ZNF462: variants seen among roughly 807,000 people sequenced by gnomAD.
The protein encoded by ZNF462 is zinc finger PBX1-interacting protein.
ZNF462 carries 10 observed loss-of-function variants against 201.9 expected under a neutral mutation model. That is an observed-to-expected ratio of 0.05 (90% CI 0.03 to 0.08). ZNF462 has a LOEUF of 0.08. Ranked by LOEUF, ZNF462 falls within the 10% of genes least tolerant of loss-of-function variation. The probability of loss-of-function intolerance (pLI) is 1.00; values close to 1 mark genes in which losing one functional copy is unlikely to be tolerated. For missense variants in ZNF462, 2,523 were observed against 3,168.3 expected (o/e 0.80, Z 4.89); for synonymous variants, 1,227 against 1,193.3 (o/e 1.03, Z -0.58).
At chr9:106,969,999 G>C (rs1426338622) in intron 7 of ZNF462, among the ~76,000 whole-genome samples, 1 of 152,180 alleles carries the variant, frequency 6.6e-6, no homozygotes, top group African/African-American at 2.4e-5. Flanking sequence ...AACTAGACTT[G>C]AGGGCTTAAA....
At chr9:106,947,308 G>A (rs993451744) in intron 7 of ZNF462, among the ~76,000 whole-genome samples, 1 of 152,060 alleles carries the variant, frequency 6.6e-6, no homozygotes, top group African/African-American at 2.4e-5. Flanking sequence ...GCTTCCATGG[G>A]GACACAAAAC....
rs1235886568 is a variant in ZNF462, at chr9:106,924,565, A to T, written c.653A>T (p.Glu218Val). 6.2e-7 allele frequency: 1 copy of T among 1,614,172 alleles called. No homozygotes were observed. Residue 218 changes from glutamate (E) to valine (V), a missense_variant, in exon 3 of 13, where the codon GAA becomes GTA. Glu to Val is a moderately radical substitution (Grantham distance 121, BLOSUM62 -2). Transcript: ENST00000277225. The surrounding 1 kb of genome is among the most constrained non-coding windows in gnomAD (Gnocchi z 6.2). ...PPVSLQDPCK[E>V]LPAEVVERSI... ...GTATCACTGCAGGACCCCTGCAAGG[A>T]ACTGCCAGCAGAGGTTGTGGAGCGC...
At chr9:107,004,351 A>G (rs1829401567) in intron 11 of ZNF462, among the ~76,000 whole-genome samples, 1 of 152,102 alleles carries the variant, frequency 6.6e-6, no homozygotes, top group Non-Finnish European at 1.5e-5. Context: ...TTTATATAAC[A>G]TTTTTCTTTA....
Position 106,928,430 on chromosome 9 carries a change from C to T in ZNF462, c.4518C>T (p.Asp1506=), listed in dbSNP as rs150325687. The T allele has an allele frequency of 2.0e-5, 32 of 1,614,050 alleles. No individual in the cohort carries two copies. Among genetic ancestry groups the T allele is most frequent in the Non-Finnish European group, 2.6e-5 (31 of 1,180,044 alleles). Residue 1506 remains aspartate, a synonymous_variant, in exon 3 of 13, where the codon GAC becomes GAT. Coordinates refer to ENST00000277225, the MANE Select transcript of ZNF462 (RefSeq NM_021224.6). The surrounding 1 kb of genome is among the most constrained non-coding windows in gnomAD (Gnocchi z 9.3). ...TGAAGGCTGCTGACTTTGCCCAGGA[C>T]ATTGACATCAACCCAGGTGCCGTCT... ...MKVKAADFAQ[D]IDINPGAVYK...
At position 107,009,344 on chromosome 9, in the gene ZNF462, A is replaced by G. The variant is rs2132777785; in HGVS notation, c.7190-201A>G. The G allele has an allele frequency of 6.4e-6, 4 of 624,572 alleles. No individual in the cohort carries two copies. The East Asian group carries it at 1.2e-4, about 18-fold the overall frequency. The allele number at this position is 624,572 out of a possible 1,614,324, so 38.7% of individuals were successfully genotyped here. A position where few individuals can be genotyped will look rare whatever the true frequency, so the allele number is the denominator to read the frequency against. On this transcript the variant is annotated intron_variant, in intron 11 of 12. Transcript: ENST00000277225. The surrounding 1 kb of genome is among the most constrained non-coding windows in gnomAD (Gnocchi z 6.1). ...GAGGCGAAATGAGGTCTTGGGGCCC[A>G]AGAACCAGAAACAGTTCTCGAATGC... is the stretch of plus-strand genomic sequence containing the variant.
At position 106,925,130 on chromosome 9, in the gene ZNF462, C is replaced by T; in HGVS notation, c.1218C>T (p.His406=). The change falls in exon 3 of 13, where the codon CAC becomes CAT. Residue 406 remains histidine, a synonymous_variant. Coordinates refer to ENST00000277225, the MANE Select transcript of ZNF462 (RefSeq NM_021224.6). The surrounding 1 kb of genome is among the most constrained non-coding windows in gnomAD (Gnocchi z 7.9). ...DSENGLSAMD[H]QTSGLSAEQL... ...AGAATGGTTTAAGTGCTATGGATCA[C>T]CAGACATCAGGCCTGTCTGCAGAGC... The T allele has an allele frequency of 1.2e-6, 2 of 1,614,158 alleles. No individual in the cohort carries two copies. Among genetic ancestry groups the T allele is most frequent in the Non-Finnish European group, 1.7e-6 (2 of 1,180,028 alleles).
rs752192857 is a variant in ZNF462, at chr9:106,935,475, T to G, written c.6117-28T>G. 7 of 1,600,708 alleles carry G rather than the reference T, an allele frequency of 4.4e-6. 1 individual carries two copies. The South Asian group carries it at 7.7e-5, about 18-fold the overall frequency. On this transcript the variant is annotated intron_variant, in intron 5 of 12. Coordinates refer to ENST00000277225, the MANE Select transcript of ZNF462 (RefSeq NM_021224.6). This position sits in a 1 kb window ranked among gnomAD's most constrained non-coding sequence, Gnocchi z 4.1. Reference sequence around the variant, plus strand: ...CTATGCAATTTTTAATTTTGTCATTTTTCTTTTTGTTTTCCTTCTACATCA... The same window carrying G: ...CTATGCAATTTTTAATTTTGTCATTGTTCTTTTTGTTTTCCTTCTACATCA...
intron 10 of ZNF462, among the ~76,000 whole-genome samples, chr9:106,986,744 G>A (rs1018705486): frequency 1.3e-5 from 2 of 152,024 alleles, no homozygotes; most frequent in African/African-American, 4.8e-5. Flanking sequence ...CACCCTATTT[G>A]TAGTCTTTTA....
chr9:106,946,587 G>A (rs1053838615), intron 7 of ZNF462, among the ~76,000 whole-genome samples: 2 of 152,148 alleles, frequency 1.3e-5, no homozygotes, highest in African/African-American at 4.8e-5. Flanking sequence ...AGTGAGCCAT[G>A]ATTTAGAGGT....
chr9:106,862,603 T>G, upstream of ZNF462, among the ~76,000 whole-genome samples: 1 of 147,104 alleles, frequency 6.8e-6, no homozygotes, highest in African/African-American at 2.5e-5. The surrounding 1 kb of genome is among the most constrained non-coding windows in gnomAD (Gnocchi z 4.2). Flanking sequence ...CACCACCTCC[T>G]CCTCCTCTGC....
rs956407461 is a variant in ZNF462, at chr9:106,984,419, A to G, written c.7056+10A>G. On this transcript the variant is annotated intron_variant, in intron 10 of 12. Transcript: ENST00000277225. The surrounding 1 kb of genome is among the most constrained non-coding windows in gnomAD (Gnocchi z 6.4). Reference sequence around the variant, plus strand: ...TCGGGATGAGCATAAGGTACTTACCAGGACTTCCTGCTCCCGCCTCAGCAC... The same window carrying G: ...TCGGGATGAGCATAAGGTACTTACCGGGACTTCCTGCTCCCGCCTCAGCAC... The G allele has an allele frequency of 5.6e-6, 9 of 1,604,776 alleles. No individual in the cohort carries two copies. Among genetic ancestry groups the G allele is most frequent in the African/African-American group, 1.3e-5 (1 of 74,698 alleles).
At position 106,974,548 on chromosome 9, in the gene ZNF462, T is replaced by G. The variant is rs1266826060; in HGVS notation, c.6832+275T>G. 2.0e-6 allele frequency: 1 copy of G among 493,556 alleles called. No individual in the cohort carries two copies. Among genetic ancestry groups the G allele is most frequent in the Non-Finnish European group, 3.7e-6 (1 of 269,214 alleles). 30.6% of individuals were successfully genotyped at this position (493,556 alleles called of 1,614,324 possible). On this transcript the variant is annotated intron_variant, in intron 9 of 12. Transcript: ENST00000277225. The surrounding 1 kb of genome is among the most constrained non-coding windows in gnomAD (Gnocchi z 4.0). ...CCCAGCATGGGGGATTTGTACATTC[T>G]GACAATTCTGCCACCCACAGCCTTG...
intron 1 of ZNF462, among the ~76,000 whole-genome samples, chr9:106,877,706 A>C (rs994659901): frequency 2.6e-5 from 4 of 152,208 alleles, no homozygotes; most frequent in African/African-American, 9.7e-5. Context: ...TTAATTATAA[A>C]TAAACTTTAG....
At position 106,974,345 on chromosome 9, in the gene ZNF462, C is replaced by T. The variant is rs41277831; in HGVS notation, c.6832+72C>T. 18,064 of 1,604,684 alleles carry T rather than the reference C, an allele frequency of 0.011. 131 individuals are homozygous for T. Among genetic ancestry groups the T allele is most frequent in the Middle Eastern group, 0.015 (89 of 6,046 alleles). ...GCAGAGATGGCCTTCTAGGGATGCT[C>T]TCTCAGAGTGGCAGTAGCACCTGTG... On this transcript the variant is annotated intron_variant, in intron 9 of 12. Coordinates refer to ENST00000277225, the MANE Select transcript of ZNF462 (RefSeq NM_021224.6). This position sits in a 1 kb window ranked among gnomAD's most constrained non-coding sequence, Gnocchi z 4.0.
chr9:106,913,121 C>A lies in ZNF462; in HGVS notation c.-30-10233C>A, dbSNP rs1588043966. ...ACAATGCAGCCAGAGGCAGCTTCTC[C>A]ATGGATGATGAGGAAAAGGAGGATG... is the stretch of plus-strand genomic sequence containing the variant. On this transcript the variant is annotated intron_variant, in intron 1 of 12. Coordinates refer to ENST00000277225, the MANE Select transcript of ZNF462 (RefSeq NM_021224.6). The surrounding 1 kb of genome is among the most constrained non-coding windows in gnomAD (Gnocchi z 4.1). 6.6e-6 allele frequency among the ~76,000 whole-genome samples: 1 copy of A among 152,252 alleles called. No individual in the cohort carries two copies. The highest frequency in any genetic ancestry group is 1.9e-4 in the East Asian group (1 of 5,174).
At chr9:106,910,269 T>C (rs187933211) in intron 1 of ZNF462, among the ~76,000 whole-genome samples, 29 of 152,150 alleles carry the variant, frequency 1.9e-4, no homozygotes, top group African/African-American at 6.3e-4. Flanking sequence ...TTGTTGTATA[T>C]AATTTTCTTC....
chr9:106,965,393 T>C (rs1832027534), intron 7 of ZNF462, among the ~76,000 whole-genome samples: 1 of 151,960 alleles, frequency 6.6e-6, no homozygotes, highest in East Asian at 1.9e-4. Context: ...GGAATTGATC[T>C]TAGAAGAAGA....
intron 1 of ZNF462, among the ~76,000 whole-genome samples, chr9:106,900,331 C>T (rs1218221186): frequency 6.6e-6 from 1 of 150,984 alleles, no homozygotes; most frequent in Admixed American, 6.6e-5. Context: ...GTGAATTGTG[C>T]TGCTATAAAC....
Position 106,928,545 on chromosome 9 carries a change from G to T in ZNF462, c.4633G>T (p.Ala1545Ser). Residue 1545 changes from alanine (A) to serine (S), a missense_variant, in exon 3 of 13, where the codon GCT (alanine) becomes TCT (serine). Around this residue, in one of 15 missense-constraint regions of ZNF462, gnomAD observed 200 missense variants for 281.3 expected, o/e 0.71. Transcript: ENST00000277225. The surrounding 1 kb of genome is among the most constrained non-coding windows in gnomAD (Gnocchi z 9.3). ...GCGACACCCGTCCATCAAGGTGACC[G>T]CTGAGGACTTTGTGCACGACGTAGA... ...QKRHPSIKVT[A>S]EDFVHDVEQS... 6.2e-7 allele frequency: 1 copy of T among 1,613,966 alleles called. No individual in the cohort carries two copies. The highest frequency in any genetic ancestry group is 8.5e-7 in the Non-Finnish European group (1 of 1,179,988).
Sources: allele counts gnomAD v4.1 joint callset (sites outside exome capture counted in the v4.1 genomes callset), GRCh38; gene constraint gnomAD v4.1.1; regional missense constraint gnomAD v4.1.1; non-coding constraint Gnocchi (gnomAD v3.1); transcripts MANE v1.5; gene names NCBI Gene and HGNC (gene_info 2026-07-23, HGNC 2026-07-21).